The following RGS12 variants were observed in gnomAD, a reference collection of about 807,000 sequenced individuals.
RGS12 encodes the protein regulator of G protein signaling 12, also known as regulator of G-protein signaling 12.
Under a neutral mutation model 120.1 loss-of-function variants are expected in RGS12, and 66 were observed. The observed-to-expected ratio is 0.55, with a 90% CI of 0.45 to 0.67. The LOEUF is 0.67. RGS12 is among the 30% of genes least tolerant of loss of function. The pLI is 0.00. For missense variants in RGS12, 1,859 were observed against 1,957.7 expected, an observed-to-expected ratio of 0.95 and a Z score of 0.95; for synonymous variants, 827 against 804.7, an observed-to-expected ratio of 1.03 and a Z score of -0.47.
At chr4:3,437,502 G>C (rs1458910504) in intron 17 of RGS12, among the ~76,000 whole-genome samples, 1 of 152,164 alleles carries the variant, frequency 6.6e-6, no homozygotes, top group Non-Finnish European at 1.5e-5. Flanking sequence ...CTCCCCACAC[G>C]ATATCTCCCA....
In RGS12 at chr4:3,439,477, A is replaced by G. The variant is rs1350179560; in HGVS notation, c.4137A>G (p.Arg1379=). 1.2e-6 allele frequency: 2 copies of G among 1,612,812 alleles called. No homozygotes were observed. Among genetic ancestry groups the G allele is most frequent in the South Asian group, 2.2e-5 (2 of 91,086 alleles). ...SRPGSGTHGS[R]DLPVNRIIDV... ...CAGGAAGTGGGACCCATGGCAGCCG[A>G]GACCTCCCAGTCAACAGAATCATCG... The change falls in exon 18 of 18, where the codon CGA becomes CGG. Residue 1379 remains arginine (R), a synonymous_variant. Coordinates refer to ENST00000336727, the MANE Select transcript of RGS12 (RefSeq NM_001394154.1).
chr4:3,364,639 A>G (rs972371643), intron 3 of RGS12, among the ~76,000 whole-genome samples: 36 of 152,240 alleles, frequency 2.4e-4, no homozygotes, highest in African/African-American at 8.4e-4. Flanking sequence ...GACACAGCCC[A>G]GGGCCTGGGG....
At chr4:3,423,699 C>G (rs1215969732) in intron 13 of RGS12, 58 bp downstream of exon 13, 3 of 1,568,202 alleles carry the variant, frequency 1.9e-6, no homozygotes, top group Non-Finnish European at 2.6e-6. Flanking sequence ...TTCCCTTTGG[C>G]AGCCTCTGTG....
chr4:3,346,313 A>T (rs1030839928), intron 3 of RGS12, among the ~76,000 whole-genome samples: 1 of 152,182 alleles, frequency 6.6e-6, no homozygotes, highest in African/African-American at 2.4e-5. Context: ...ACTGATTGTG[A>T]AATTTCGATT....
chr4:3,359,925 AC>A (rs1715399623), intron 3 of RGS12, among the ~76,000 whole-genome samples: 1 of 151,956 alleles, frequency 6.6e-6, no homozygotes, highest in South Asian at 2.1e-4. Context: ...GCCTAGCCAT[AC>A]TTTTACATTT....
At chr4:3,368,413 TGTGA>T (rs1376700397) in intron 3 of RGS12, among the ~76,000 whole-genome samples, 3 of 131,530 alleles carry the variant, frequency 2.3e-5, no homozygotes, top group Non-Finnish European at 3.2e-5. Flanking sequence ...CCTGTGTGTG[TGTGA>T]GTGCCTGTGT....
intron 1 of RGS12, among the ~76,000 whole-genome samples, chr4:3,308,479 G>A (rs76742291): frequency 0.014 from 2,100 of 152,302 alleles, 47 homozygotes; most frequent in African/African-American, 0.048. Flanking sequence ...CTAGCGATTC[G>A]TACTTATTTC....
chr4:3,372,591 G>T lies in RGS12; in HGVS notation c.1999-13825G>T, dbSNP rs963195118. On this transcript the variant is annotated intron_variant, in intron 3 of 17. Coordinates refer to ENST00000336727, the MANE Select transcript of RGS12 (RefSeq NM_001394154.1). The surrounding 1 kb of genome is among the most constrained non-coding windows in gnomAD (Gnocchi z 4.3). ...ACGCTGGCCCCCCCAGGTGTGCCCT[G>T]TGTGGCCGGCATGGAGGTGGCGGCG... 1.3e-5 allele frequency among the ~76,000 whole-genome samples: 2 copies of T among 152,264 alleles called. No homozygotes were observed. The highest frequency in any genetic ancestry group is 2.9e-5 in the Non-Finnish European group (2 of 68,044).
intron 3 of RGS12, among the ~76,000 whole-genome samples, chr4:3,379,587 T>A (rs1718056185): frequency 6.6e-6 from 1 of 152,202 alleles, no homozygotes; most frequent in Non-Finnish European, 1.5e-5. Flanking sequence ...GAAAGAGGTT[T>A]GATTAACTCA....
chr4:3,371,721 C>T (rs548229095), intron 3 of RGS12, among the ~76,000 whole-genome samples: 2 of 152,220 alleles, frequency 1.3e-5, no homozygotes, highest in East Asian at 3.9e-4. Context: ...GGCCAGCAGA[C>T]GAGGGGCTGG....
rs544471722 is a variant in RGS12, at chr4:3,363,473, A to G, written c.1998+20420A>G. Among the ~76,000 whole-genome samples, 5 of 151,558 alleles carry G rather than the reference A, an allele frequency of 3.3e-5. No homozygotes were observed. In the East Asian group the frequency reaches 9.7e-4, roughly 29 times the overall value. ...CCTTGTGGTTAGTTGACTCCCGGTA[A>G]GGAGCCGCGGGGCCTGAACTGCTGC... On this transcript the variant is annotated intron_variant, in intron 3 of 17. Transcript: ENST00000336727.
chr4:3,343,385 A>G (rs79840965), intron 3 of RGS12, among the ~76,000 whole-genome samples: 11,553 of 152,236 alleles, frequency 0.076, 798 homozygotes, highest in African/African-American at 0.19. Context: ...GGCGTGATCC[A>G]CAGACATGGG....
chr4:3,306,831 G>A (rs1723994038), intron 1 of RGS12, among the ~76,000 whole-genome samples: 1 of 152,118 alleles, frequency 6.6e-6, no homozygotes, highest in African/African-American at 2.4e-5. Context: ...CCGGCAAGTA[G>A]CAACAGCCCT....
chr4:3,439,160 G>A (rs987148177), intron 17 of RGS12, among the ~76,000 whole-genome samples: 6 of 152,082 alleles, frequency 3.9e-5, no homozygotes, highest in African/African-American at 1.4e-4. Flanking sequence ...CGGGGGCCCA[G>A]CTCTGTTCCT....
chr4:3,392,406 C>T (rs1367026113), intron 4 of RGS12, among the ~76,000 whole-genome samples: 1 of 152,156 alleles, frequency 6.6e-6, no homozygotes, highest in African/African-American at 2.4e-5. Flanking sequence ...TTTTGAGACT[C>T]TAATTATGCA....
At chr4:3,353,262 A>G (rs2108809684) in intron 3 of RGS12, among the ~76,000 whole-genome samples, 1 of 152,312 alleles carries the variant, frequency 6.6e-6, no homozygotes, top group South Asian at 2.1e-4. Context: ...AGCCTATGTG[A>G]GAGTGAACTG....
At position 3,317,969 on chromosome 4, in the gene RGS12, G is replaced by A; in HGVS notation, c.1799G>A (p.Arg600Lys). Residue 600 changes from arginine to lysine, a missense_variant, in exon 2 of 18, where the codon AGG (arginine) becomes AAG (lysine). By Grantham distance (26) the Arg-to-Lys change is conservative. Transcript: ENST00000336727. ...CAGCCCCCGCTGAATGCCCCGAAGA[G>A]GGAGTGGTCCAGGAAGGCCTTTGGA... The part of the protein sequence containing the change: ...FAQPPLNAPK[R>K]EWSRKAFGMQ... 6.2e-7 allele frequency: 1 copy of A among 1,612,960 alleles called. No individual in the cohort carries two copies. Among genetic ancestry groups the A allele is most frequent in the African/African-American group, 1.3e-5 (1 of 74,774 alleles).
chr4:3,407,852 G>A (rs1721324906), intron 4 of RGS12, among the ~76,000 whole-genome samples: 2 of 152,162 alleles, frequency 1.3e-5, no homozygotes, highest in South Asian at 4.1e-4. Context: ...CATTTGTAAC[G>A]TAACCTACAT....
At chr4:3,359,404 TC>T (rs150468641) in intron 3 of RGS12, among the ~76,000 whole-genome samples, 21 of 386 alleles carry the variant, frequency 0.054, 2 homozygotes, top group African/African-American at 0.21. Flanking sequence ...CTCCCCCTCC[TC>T]CCCCTTCTCC....
Sources: allele counts gnomAD v4.1 joint callset (sites outside exome capture counted in the v4.1 genomes callset), GRCh38; gene constraint gnomAD v4.1.1; non-coding constraint Gnocchi (gnomAD v3.1); transcripts MANE v1.5; gene names NCBI Gene and HGNC (gene_info 2026-07-23, HGNC 2026-07-21).